Variants in MPDZ observed in about 807,000 individuals in gnomAD.
The protein encoded by MPDZ is multiple PDZ domain crumbs cell polarity complex component.
MPDZ carries 234 observed loss-of-function variants against 239.1 expected under a neutral mutation model. That is an observed-to-expected ratio of 0.98 (90% CI 0.88 to 1.09). MPDZ has a LOEUF of 1.09. Among genes scored for constraint, MPDZ ranks in the 50% least tolerant of loss-of-function variants. The pLI is 0.00. For synonymous variants in MPDZ, 1,048 were observed against 881.3 expected (o/e 1.19, Z -3.35); for missense variants, 3,175 against 2,510.0 (o/e 1.26, Z -5.66).
chr9:13,149,382 T>C (rs914483627), intron 25 of MPDZ, among the ~76,000 whole-genome samples: 7 of 152,044 alleles, frequency 4.6e-5, no homozygotes, highest in Non-Finnish European at 8.8e-5. Context: ...GTTTAGAAAA[T>C]GAGAGTCACT....
At chr9:13,133,354 A>C (rs900594204) in intron 32 of MPDZ, among the ~76,000 whole-genome samples, 11 of 152,186 alleles carry the variant, frequency 7.2e-5, no homozygotes, top group Non-Finnish European at 1.3e-4. Flanking sequence ...GACTTCTCTT[A>C]TATGTATAGT....
rs1284166927 is a variant in MPDZ at position 13,143,553 on chromosome 9, C to A, written c.3753G>T (p.Leu1251Phe). The part of the protein sequence containing the change: ...SIINRPRKSP[L>F]PSLLHNLYPK... ...GGTAAAGGTTGTGCAGCAAGGAAGG[C>A]AAAGGGGATTTCTAAAAGGAAACAT... The change falls in exon 27 of 47, where the codon TTG becomes TTT. Residue 1251 changes from leucine (L) to phenylalanine (F), a missense_variant. By Grantham distance (22) the Leu-to-Phe change is conservative. Coordinates refer to ENST00000319217, the MANE Select transcript of MPDZ (RefSeq NM_001378778.1). The A allele has an allele frequency of 1.2e-6, 2 of 1,612,510 alleles. No individual in the cohort carries two copies. Among genetic ancestry groups the A allele is most frequent in the Non-Finnish European group, 1.7e-6 (2 of 1,178,854 alleles).
rs570391849 is a variant in MPDZ at position 13,108,423 on chromosome 9, T to C, written c.6066+513A>G. On this transcript the variant is annotated intron_variant, in intron 46 of 46. Transcript: ENST00000319217. The stretch of plus-strand genomic sequence containing the variant: ...CAAATCGCTGACTTATTATAGATGA[T>C]AGGGCTGCTGGATACTCCCTACATT... 4.6e-5 allele frequency among the ~76,000 whole-genome samples: 7 copies of C among 152,272 alleles called. No individual in the cohort carries two copies. In the East Asian group the frequency reaches 1.3e-3, roughly 29 times the overall value.
At chr9:13,273,335 C>T (rs1421571607) in intron 1 of MPDZ, among the ~76,000 whole-genome samples, 2 of 152,138 alleles carry the variant, frequency 1.3e-5, no homozygotes, top group Non-Finnish European at 2.9e-5. Flanking sequence ...ATCTTTATGA[C>T]TCTATCATCA....
At chr9:13,180,408 G>A (rs1462784610) in intron 19 of MPDZ, among the ~76,000 whole-genome samples, 1 of 152,122 alleles carries the variant, frequency 6.6e-6, no homozygotes, top group African/African-American at 2.4e-5. Context: ...CACCACATTG[G>A]TAACAATATC....
At position 13,105,710 on chromosome 9, in the gene MPDZ, G is replaced by C. The variant is rs1254760263; in HGVS notation, c.*1255C>G. ...CAAAAAAAATGCTTGCTGCTTATTT[G>C]TGCACCACTGAAAATTCTTATTTAT... On this transcript the variant is annotated 3_prime_UTR_variant, in exon 47 of 47. Transcript: ENST00000319217. 1 of 152,094 alleles carries C rather than the reference G, an allele frequency of 6.6e-6. No homozygotes were observed. The highest frequency in any genetic ancestry group is 1.5e-5 in the Non-Finnish European group (1 of 67,986). The allele number at this position is 152,094 out of a possible 1,614,324, so 9.4% of individuals were successfully genotyped here.
chr9:13,183,869 T>C (rs577608473), intron 18 of MPDZ, among the ~76,000 whole-genome samples: 14 of 151,958 alleles, frequency 9.2e-5, no homozygotes, highest in Non-Finnish European at 1.8e-4. Flanking sequence ...TTTAAACAGT[T>C]CCATAGTTAA....
chr9:13,278,813 A>G (rs1974859376), intron 1 of MPDZ, among the ~76,000 whole-genome samples: 2 of 151,962 alleles, frequency 1.3e-5, no homozygotes, highest in African/African-American at 4.8e-5. Flanking sequence ...CAGGACCAGG[A>G]GCATTGCTGC....
intron 39 of MPDZ, among the ~76,000 whole-genome samples, chr9:13,116,487 T>A (rs1334658423): frequency 6.6e-6 from 1 of 152,198 alleles, no homozygotes; most frequent in African/African-American, 2.4e-5. Context: ...ATTCTGAAGA[T>A]GTTGATCATG....
In MPDZ at chr9:13,247,770, G is replaced by A; in HGVS notation, c.48C>T (p.Arg16=). The part of the protein sequence containing the change: ...DKNRALHAAE[R]LQTKLRERGD... ...CACGTTCTCGCAGCTTGGTTTGCAA[G>A]CGCTCTGCTGCATGCAGGGCCCGAT... The change falls in exon 3 of 47, where the codon CGC becomes CGT. Residue 16 remains arginine (R), a synonymous_variant. Transcript: ENST00000319217. 1 of 1,611,626 alleles carries A rather than the reference G, an allele frequency of 6.2e-7. No homozygotes were observed. Among genetic ancestry groups the A allele is most frequent in the Non-Finnish European group, 8.5e-7 (1 of 1,178,046 alleles).
At chr9:13,136,047 C>T (rs770655100) in intron 31 of MPDZ, 45 bp downstream of exon 31, 6 of 1,251,320 alleles carry the variant, frequency 4.8e-6, no homozygotes, top group South Asian at 1.3e-5. Flanking sequence ...ATAAGGCTCA[C>T]ATCAATCAAG....
intron 3 of MPDZ, among the ~76,000 whole-genome samples, chr9:13,246,215 AGG>A (rs1966554044): frequency 6.6e-6 from 1 of 152,170 alleles, no homozygotes; most frequent in African/African-American, 2.4e-5. Context: ...CGGGAGGCCA[AGG>A]CGGATAGATC....
chr9:13,251,758 C>G (rs756055567), intron 1 of MPDZ, among the ~76,000 whole-genome samples: 2 of 152,230 alleles, frequency 1.3e-5, no homozygotes, highest in African/African-American at 4.8e-5. Context: ...TAAGAGAGAA[C>G]AGTACGTATT....
chr9:13,244,710 G>A (rs1966196124), intron 3 of MPDZ, among the ~76,000 whole-genome samples: 1 of 152,120 alleles, frequency 6.6e-6, no homozygotes, highest in Admixed American at 6.6e-5. Context: ...ATTTCTAAGG[G>A]CAGTCTTAAT....
At chr9:13,115,136 A>G (rs1943183772) in intron 40 of MPDZ, 112 bp downstream of exon 40, 1 of 821,852 alleles carries the variant, frequency 1.2e-6, no homozygotes. Context: ...CTCAGTCACT[A>G]TCCCACGCTG....
intron 3 of MPDZ, among the ~76,000 whole-genome samples, chr9:13,226,728 A>C (rs1215733688): frequency 2.6e-5 from 4 of 152,138 alleles, no homozygotes; most frequent in Non-Finnish European, 5.9e-5. Context: ...CATCCCAGTC[A>C]GTGGAGACCG....
At chr9:13,223,066 T>C (rs1959268456) in intron 5 of MPDZ, among the ~76,000 whole-genome samples, 1 of 152,078 alleles carries the variant, frequency 6.6e-6, no homozygotes, top group Non-Finnish European at 1.5e-5. Context: ...AAGTTAAAGA[T>C]GATTTAAAAT....
chr9:13,227,055 C>T (rs1564079904), intron 3 of MPDZ, among the ~76,000 whole-genome samples: 1 of 151,968 alleles, frequency 6.6e-6, no homozygotes, highest in Non-Finnish European at 1.5e-5. Context: ...ATCCACAAAA[C>T]ATTTGAGATA....
chr9:13,210,904 G>C (rs748432754), intron 10 of MPDZ, among the ~76,000 whole-genome samples: 1 of 152,080 alleles, frequency 6.6e-6, no homozygotes, highest in Non-Finnish European at 1.5e-5. Flanking sequence ...CATCTGCCAG[G>C]CTCACTTAGC....
Sources: gnomAD v4.1 joint callset for allele counts (sites outside exome capture counted in the v4.1 genomes callset) on GRCh38, gnomAD v4.1.1 for gene constraint, MANE v1.5 for transcripts, NCBI Gene and HGNC (gene_info 2026-07-23, HGNC 2026-07-21) for gene names.